RNASE4: variants seen among roughly 807,000 people sequenced by gnomAD.
The protein encoded by RNASE4 is ribonuclease 4.
For missense variants in RNASE4, 194 were observed against 192.8 expected, an observed-to-expected ratio of 1.01 and a Z score of -0.04; for synonymous variants, 93 against 71.4, an observed-to-expected ratio of 1.30 and a Z score of -1.52.
intron 1 of RNASE4, among the ~76,000 whole-genome samples, chr14:20,686,754 A>G (rs2138999859): frequency 6.6e-6 from 1 of 152,230 alleles, no homozygotes; most frequent in South Asian, 2.1e-4. Context: ...TTCCTTCTTT[A>G]CCTGTTACTT....
rs1225103441 is a variant in RNASE4, at chr14:20,700,979, C to G, written c.*1164C>G. The G allele has an allele frequency of 6.6e-6, 1 of 152,218 alleles. No homozygotes were observed. Among genetic ancestry groups the G allele is most frequent in the Non-Finnish European group, 1.5e-5 (1 of 68,034 alleles). 9.4% of individuals were successfully genotyped at this position (152,218 alleles called of 1,614,324 possible). On this transcript the variant is annotated 3_prime_UTR_variant, in exon 2 of 2. Transcript: ENST00000555835. ...GTGATTTGTTCCTGCCCCACCTTAA[C>G]TGATCAATTAGCCTTGTGACATTCC...
chr14:20,694,741 T>G (rs1262494527), intron 1 of RNASE4, among the ~76,000 whole-genome samples: 5 of 152,168 alleles, frequency 3.3e-5, no homozygotes, highest in African/African-American at 1.2e-4. Context: ...ATTTCCAAGA[T>G]AGGCAAATTG....
chr14:20,688,992 G>T (rs1886558295), intron 1 of RNASE4: 1 of 422,010 alleles, frequency 2.4e-6, no homozygotes, highest in Non-Finnish European at 3.2e-6. Flanking sequence ...AAAGAAAATG[G>T]ATCAGATTCT....
intron 1 of RNASE4, among the ~76,000 whole-genome samples, chr14:20,696,030 C>CAAG (rs951879746): frequency 2.6e-5 from 4 of 152,206 alleles, no homozygotes; most frequent in Admixed American, 2.0e-4. Flanking sequence ...GCCCTTTTCT[C>CAAG]AAGTTCTCCA....
At chr14:20,694,883 C>T (rs2139028937) in intron 1 of RNASE4, among the ~76,000 whole-genome samples, 1 of 152,156 alleles carries the variant, frequency 6.6e-6, no homozygotes, top group Admixed American at 6.5e-5. Flanking sequence ...CACACACACA[C>T]ATATACACAT....
intron 1 of RNASE4, 119 bp downstream of exon 1, chr14:20,684,877 A>C (rs1886349359): frequency 6.6e-6 from 1 of 152,060 alleles, no homozygotes; most frequent in African/African-American, 2.4e-5. Context: ...AGTTTGCGGG[A>C]CGGGGCTGGA....
At position 20,700,273 on chromosome 14, in the gene RNASE4, C is replaced by G. The variant is rs560508301; in HGVS notation, c.*458C>G. On this transcript the variant is annotated 3_prime_UTR_variant, in exon 2 of 2. Transcript: ENST00000555835. ...AAATCCAGTGTAGCTGGCCACTTAT[C>G]CAGGGCTTTTTCTACTTCATCACAA... is the stretch of plus-strand genomic sequence containing the variant. The G allele has an allele frequency of 1.2e-5, 2 of 168,204 alleles. No individual in the cohort carries two copies. Among genetic ancestry groups the G allele is most frequent in the South Asian group, 4.1e-4 (2 of 4,860 alleles). The allele number at this position is 168,204 out of a possible 1,614,324, so 10.4% of individuals were successfully genotyped here. A position where few individuals can be genotyped will look rare whatever the true frequency, so the allele number is the denominator to read the frequency against.
chr14:20,694,958 A>G (rs994835532), intron 1 of RNASE4, among the ~76,000 whole-genome samples: 7 of 152,296 alleles, frequency 4.6e-5, no homozygotes, highest in Non-Finnish European at 5.9e-5. Flanking sequence ...AGCGAGAGAT[A>G]ATTTTGATGT....
At chr14:20,685,328 T>C (rs1159780225) in intron 1 of RNASE4, among the ~76,000 whole-genome samples, 1 of 152,202 alleles carries the variant, frequency 6.6e-6, no homozygotes, top group African/African-American at 2.4e-5. Flanking sequence ...CAAATGCTAA[T>C]AGCAGCACAT....
chr14:20,694,197 C>A (rs1886989549), intron 1 of RNASE4: 2 of 674,196 alleles, frequency 3.0e-6, no homozygotes, highest in South Asian at 1.9e-5. Context: ...TCAGAGTCTT[C>A]TCACTGATTC....
chr14:20,691,169 T>G (rs1886722514), intron 1 of RNASE4, among the ~76,000 whole-genome samples: 1 of 152,168 alleles, frequency 6.6e-6, no homozygotes, highest in Non-Finnish European at 1.5e-5. Context: ...AAGTACGGTA[T>G]TTCCTAGAGA....
At chr14:20,694,209 G>A (rs930805639) in intron 1 of RNASE4, 3 of 653,566 alleles carry the variant, frequency 4.6e-6, no homozygotes, top group Non-Finnish European at 8.1e-6. Flanking sequence ...CACTGATTCT[G>A]GGCATATTGA....
chr14:20,699,076 G>A, intron 1 of RNASE4: 1 of 301,618 alleles, frequency 3.3e-6, no homozygotes, highest in Admixed American at 4.6e-5. Context: ...AAACCTGGCA[G>A]CCACGCAGTC....
intron 1 of RNASE4, among the ~76,000 whole-genome samples, chr14:20,689,927 AAAAAC>A (rs1276935662): frequency 3.3e-4 from 49 of 150,728 alleles, no homozygotes; most frequent in Non-Finnish European, 5.3e-4. Flanking sequence ...AAAAAAAAAA[AAAAAC>A]AGGCCGGGCG....
chr14:20,700,795 C>T lies in RNASE4; in HGVS notation c.*980C>T, dbSNP rs1426501693. ...CCTCTCAAAGACAATTCTCACAGCT[C>T]TTCCTTCTCCCTTAGAATATTTAGA... On this transcript the variant is annotated 3_prime_UTR_variant, in exon 2 of 2. Transcript: ENST00000555835. 1.9e-5 allele frequency: 3 copies of T among 157,636 alleles called. No individual in the cohort carries two copies. Among genetic ancestry groups the T allele is most frequent in the Non-Finnish European group, 4.4e-5 (3 of 68,066 alleles). The allele number at this position is 157,636 out of a possible 1,614,324, so 9.8% of individuals were successfully genotyped here. A position where few individuals can be genotyped will look rare whatever the true frequency, so the allele number is the denominator to read the frequency against.
intron 1 of RNASE4, among the ~76,000 whole-genome samples, chr14:20,690,108 G>C (rs531906918): frequency 1.4e-5 from 2 of 147,630 alleles, no homozygotes; most frequent in Non-Finnish European, 3.0e-5. Context: ...CCAGCTACTC[G>C]GGAGGCTGAG....
chr14:20,686,384 A>G (rs146363199), intron 1 of RNASE4, among the ~76,000 whole-genome samples: 5 of 152,356 alleles, frequency 3.3e-5, no homozygotes, highest in Non-Finnish European at 7.3e-5. Context: ...AGGTTTGTCA[A>G]GTTATTGTTG....
chr14:20,689,913 C>T (rs1478688802), intron 1 of RNASE4, among the ~76,000 whole-genome samples: 1 of 110,332 alleles, frequency 9.1e-6, no homozygotes, highest in Non-Finnish European at 1.8e-5. Context: ...AAGACTCTGT[C>T]TCAAAAAAAA....
chr14:20,697,146 C>G (rs1313781828), intron 1 of RNASE4, among the ~76,000 whole-genome samples: 2 of 152,202 alleles, frequency 1.3e-5, no homozygotes, highest in Admixed American at 6.5e-5. Context: ...TGCAGAAAAG[C>G]TGACGTCCTG....
Sources: gnomAD v4.1 joint callset for allele counts (sites outside exome capture counted in the v4.1 genomes callset) on GRCh38, gnomAD v4.1.1 for gene constraint, MANE v1.5 for transcripts, NCBI Gene and HGNC (gene_info 2026-07-23, HGNC 2026-07-21) for gene names.